Variants in HIPK2 observed in about 807,000 individuals in gnomAD.
HIPK2 encodes the protein homeodomain interacting protein kinase 2, also known as homeodomain-interacting protein kinase 2.
HIPK2 carries 27 observed loss-of-function variants against 113.7 expected under a neutral mutation model. The ratio of observed to expected loss-of-function variants is 0.24; its 90% CI spans 0.17 to 0.33. The LOEUF (loss-of-function observed/expected upper bound fraction) is 0.33. Among genes scored for constraint, HIPK2 ranks in the 10% least tolerant of loss-of-function variants. The pLI is 1.00. For missense variants in HIPK2, 1,257 were observed against 1,588.0 expected, an observed-to-expected ratio of 0.79 and a Z score of 3.54; for synonymous variants, 631 against 642.2, an observed-to-expected ratio of 0.98 and a Z score of 0.26.
intron 1 of HIPK2, among the ~76,000 whole-genome samples, chr7:139,735,347 A>C (rs1043685750): frequency 1.3e-5 from 2 of 152,240 alleles, no homozygotes; most frequent in Admixed American, 6.5e-5. Flanking sequence ...TGCTAGGATT[A>C]TCTCTCTTTA....
intron 2 of HIPK2, among the ~76,000 whole-genome samples, chr7:139,644,232 T>C (rs1174519878): frequency 6.6e-6 from 1 of 152,194 alleles, no homozygotes; most frequent in East Asian, 1.9e-4. Flanking sequence ...ACGTATACCT[T>C]AACAACTTAT....
At chr7:139,596,099 T>C (rs997976882) in intron 12 of HIPK2, among the ~76,000 whole-genome samples, 4 of 152,214 alleles carry the variant, frequency 2.6e-5, no homozygotes, top group African/African-American at 9.6e-5. Flanking sequence ...TGCTGAAGTC[T>C]GGCTGGGCAG....
intron 13 of HIPK2, among the ~76,000 whole-genome samples, chr7:139,583,068 G>A (rs1421468930): frequency 6.6e-6 from 1 of 152,116 alleles, no homozygotes; most frequent in Non-Finnish European, 1.5e-5. Context: ...CCGCCACGCA[G>A]GTGCAGGCTG....
At position 139,630,889 on chromosome 7, in the gene HIPK2, C is replaced by T. The variant is rs949069897; in HGVS notation, c.1347+276G>A. ...CAGCTCTCAAGGGCAGAGTGGGGTTCGTTTCTCTCCCTAGCACAAATCAGA... is the reference window on the plus strand; with the variant it reads ...CAGCTCTCAAGGGCAGAGTGGGGTTTGTTTCTCTCCCTAGCACAAATCAGA... On this transcript the variant is annotated intron_variant, in intron 4 of 14. Coordinates refer to ENST00000406875, the MANE Select transcript of HIPK2 (RefSeq NM_022740.5). This position sits in a 1 kb window ranked among gnomAD's most constrained non-coding sequence, Gnocchi z 4.0. Among the ~76,000 whole-genome samples, 5 of 152,190 alleles carry T rather than the reference C, an allele frequency of 3.3e-5. No individual in the cohort carries two copies. Among genetic ancestry groups the T allele is most frequent in the Admixed American group, 1.3e-4 (2 of 15,276 alleles).
chr7:139,686,913 T>C (rs1425450770), intron 2 of HIPK2, among the ~76,000 whole-genome samples: 1 of 152,166 alleles, frequency 6.6e-6, no homozygotes, highest in East Asian at 1.9e-4. Flanking sequence ...AAGAGTCAAG[T>C]GATGCAGCAA....
intron 4 of HIPK2, among the ~76,000 whole-genome samples, chr7:139,629,362 T>G (rs773202991): frequency 2.6e-5 from 4 of 152,236 alleles, no homozygotes; most frequent in Non-Finnish European, 5.9e-5. Context: ...TAAGGCAAGA[T>G]TCCATTGTGG....
intron 2 of HIPK2, among the ~76,000 whole-genome samples, chr7:139,694,235 T>A (rs1794498557): frequency 6.6e-6 from 1 of 152,208 alleles, no homozygotes; most frequent in Non-Finnish European, 1.5e-5. Context: ...TCCATCCTCC[T>A]GTAACTCTCA....
At chr7:139,648,789 G>GT (rs112363903) in intron 2 of HIPK2, among the ~76,000 whole-genome samples, 1,731 of 148,610 alleles carry the variant, frequency 0.012, 11 homozygotes, top group Middle Eastern at 0.028. Flanking sequence ...GGTGCTGCGG[G>GT]TTTTTTTTTT....
chr7:139,688,108 C>CAT (rs1456622822), intron 2 of HIPK2, among the ~76,000 whole-genome samples: 13 of 151,870 alleles, frequency 8.6e-5, no homozygotes, highest in Admixed American at 3.3e-4. Flanking sequence ...CACACACACA[C>CAT]GCAGCCCATT....
chr7:139,654,433 A>T (rs1237218813), intron 2 of HIPK2, among the ~76,000 whole-genome samples: 1 of 152,130 alleles, frequency 6.6e-6, no homozygotes, highest in Non-Finnish European at 1.5e-5. Context: ...GTACTGCTTG[A>T]GTCTGAGAGG....
At chr7:139,653,728 G>A (rs531458012) in intron 2 of HIPK2, among the ~76,000 whole-genome samples, 15 of 151,746 alleles carry the variant, frequency 9.9e-5, no homozygotes, top group Non-Finnish European at 2.1e-4. Flanking sequence ...TGGCCTCCTC[G>A]AGACTGTTGT....
intron 2 of HIPK2, among the ~76,000 whole-genome samples, chr7:139,645,067 T>C (rs963944595): frequency 4.6e-5 from 7 of 152,258 alleles, no homozygotes; most frequent in African/African-American, 1.7e-4. Context: ...GCTGGATGAA[T>C]GAATGAACCA....
Position 139,573,374 on chromosome 7 carries a change from G to C in HIPK2, c.3150C>G (p.Asp1050Glu). The change falls in exon 15 of 15, where the codon GAC (aspartate) becomes GAG (glutamate). Residue 1050 changes from aspartate to glutamate, a missense_variant. Transcript: ENST00000406875. ...LSQAQQHITT[D>E]RTGSHRRQQA... The stretch of plus-strand genomic sequence containing the variant: ...GCTGCCTTCGGTGGCTCCCAGTGCG[G>C]TCCGTGGTGATGTGCTGCTGAGCCT... 1.2e-6 allele frequency: 2 copies of C among 1,604,236 alleles called. No homozygotes were observed. Among genetic ancestry groups the C allele is most frequent in the South Asian group, 1.1e-5 (1 of 91,036 alleles).
intron 2 of HIPK2, among the ~76,000 whole-genome samples, chr7:139,668,889 C>A (rs1214400921): frequency 6.6e-6 from 1 of 152,140 alleles, no homozygotes; most frequent in Non-Finnish European, 1.5e-5. Context: ...TTTAGAAATG[C>A]AATTATTTAC....
At chr7:139,682,431 G>A (rs573516556) in intron 2 of HIPK2, among the ~76,000 whole-genome samples, 2 of 152,162 alleles carry the variant, frequency 1.3e-5, no homozygotes, top group Non-Finnish European at 2.9e-5. Context: ...GCTCTGTTGA[G>A]GCACCTAGGA....
chr7:139,776,649 G>C (rs1209073839), intron 1 of HIPK2, among the ~76,000 whole-genome samples: 1 of 152,092 alleles, frequency 6.6e-6, no homozygotes, highest in Non-Finnish European at 1.5e-5. Context: ...TGAAGGCTGC[G>C]ATTTCAATGA....
chr7:139,739,152 T>C (rs1796027413), intron 1 of HIPK2, among the ~76,000 whole-genome samples: 1 of 152,216 alleles, frequency 6.6e-6, no homozygotes, highest in Admixed American at 6.5e-5. Context: ...CTCAAACTCC[T>C]GGGATCAAAT....
At chr7:139,615,037 A>G (rs117794130) in intron 7 of HIPK2, among the ~76,000 whole-genome samples, 7,338 of 152,212 alleles carry the variant, frequency 0.048, 303 homozygotes, top group South Asian at 0.21. Flanking sequence ...GCCAGCCTGC[A>G]CGTCCAAGCT....
In HIPK2 at chr7:139,714,446, G is replaced by A. The variant is rs986650139; in HGVS notation, c.1103+1486C>T. Among the ~76,000 whole-genome samples the A allele has an allele frequency of 1.3e-5, 2 of 152,190 alleles. No homozygotes were observed. Among genetic ancestry groups the A allele is most frequent in the African/African-American group, 2.4e-5 (1 of 41,446 alleles). Reference sequence around the variant, plus strand: ...AGCAGGCTGAGGGAGGGGCTGGGAGGAGACTTGCAACAGCTCTGCCTGCAG... The same window carrying A: ...AGCAGGCTGAGGGAGGGGCTGGGAGAAGACTTGCAACAGCTCTGCCTGCAG... On this transcript the variant is annotated intron_variant, in intron 2 of 14. Coordinates refer to ENST00000406875, the MANE Select transcript of HIPK2 (RefSeq NM_022740.5). This position sits in a 1 kb window ranked among gnomAD's most constrained non-coding sequence, Gnocchi z 4.2.
Sources: gnomAD v4.1 joint callset for allele counts (sites outside exome capture counted in the v4.1 genomes callset) on GRCh38, gnomAD v4.1.1 for gene constraint, Gnocchi (gnomAD v3.1) non-coding constraint, MANE v1.5 for transcripts, NCBI Gene and HGNC (gene_info 2026-07-23, HGNC 2026-07-21) for gene names.